The following PWWP2A variants were observed in gnomAD, a reference collection of about 807,000 sequenced individuals.
PWWP2A encodes the protein PWWP domain containing 2A.
Under a neutral mutation model 48.5 loss-of-function variants are expected in PWWP2A, and 18 were observed. The observed-to-expected ratio is 0.37, with a 90% CI of 0.26 to 0.55. The LOEUF is 0.55. PWWP2A is among the 20% of genes least tolerant of loss of function. The probability of loss-of-function intolerance (pLI) is 0.81; values close to 1 mark genes in which losing one functional copy is unlikely to be tolerated. For missense variants in PWWP2A, 867 were observed against 976.4 expected, an observed-to-expected ratio of 0.89 and a Z score of 1.49; for synonymous variants, 396 against 387.7, an observed-to-expected ratio of 1.02 and a Z score of -0.25.
the PWWP2A span, among the ~76,000 whole-genome samples, chr5:160,045,546 T>TCTCTCTCCCC: frequency 7.8e-6 from 1 of 128,218 alleles, no homozygotes; most frequent in Non-Finnish European, 1.6e-5. Flanking sequence ...TCTCTCTCTC[T>TCTCTCTCCCC]CTCTCTCCCC....
intron 1 of PWWP2A, among the ~76,000 whole-genome samples, chr5:160,097,431 A>G (rs1220005161): frequency 1.3e-5 from 2 of 149,740 alleles, no homozygotes; most frequent in Admixed American, 6.7e-5. Context: ...GGAGTTCAAG[A>G]CCAGCCTGGC....
At chr5:160,045,264 AAAATGAGGG>A in the PWWP2A span, among the ~76,000 whole-genome samples, 1 of 152,148 alleles carries the variant, frequency 6.6e-6, no homozygotes, top group African/African-American at 2.4e-5. Context: ...CCTTGCCTAG[AAAATGAGGG>A]AAAGGAGAAG....
chr5:160,103,242 GTTTTTTAAAAGCA>G (rs1026441498), intron 1 of PWWP2A, among the ~76,000 whole-genome samples: 9 of 152,126 alleles, frequency 5.9e-5, no homozygotes, highest in African/African-American at 2.2e-4. Context: ...CTAAAAAAGT[GTTTTTTAAAAGCA>G]TGAATTCAGT....
downstream of PWWP2A, chr5:160,089,465 G>T: frequency 9.1e-7 from 1 of 1,098,154 alleles, no homozygotes; most frequent in Non-Finnish European, 1.2e-6. Context: ...TCCCACCTTG[G>T]CCTTCCAAAC....
the PWWP2A span, among the ~76,000 whole-genome samples, chr5:160,054,392 T>A: frequency 6.6e-6 from 1 of 152,160 alleles, no homozygotes; most frequent in South Asian, 2.1e-4. Flanking sequence ...GGTGGGAGGA[T>A]TGCTTGAGCC....
chr5:160,105,746 G>T, intron 1 of PWWP2A: 3 of 335,812 alleles, frequency 8.9e-6, no homozygotes, highest in Non-Finnish European at 1.2e-5. Flanking sequence ...CTGCACTCCA[G>T]ACTGGGTGAC....
Position 160,092,129 on chromosome 5 carries a change from T to A in PWWP2A, c.*253A>T. 1 of 1,212,186 alleles carries A rather than the reference T, an allele frequency of 8.2e-7. No homozygotes were observed. Among genetic ancestry groups the A allele is most frequent in the Non-Finnish European group, 1.0e-6 (1 of 972,322 alleles). 75.1% of individuals were successfully genotyped at this position (1,212,186 alleles called of 1,614,324 possible). On this transcript the variant is annotated 3_prime_UTR_variant, in exon 2 of 2. Transcript: ENST00000307063. ...ATTTCAGTTGAGGCTATGGCTCCTA[T>A]GCCTTGGGATGGTTTCGAACTTCAA...
At chr5:160,090,809 A>G (rs1755000087), downstream of PWWP2A, 1 of 981,324 alleles carries the variant, frequency 1.0e-6, no homozygotes. Context: ...GACACAAAGT[A>G]TGAAAGCAAC....
intron 1 of PWWP2A, among the ~76,000 whole-genome samples, chr5:160,107,866 T>C (rs914690758): frequency 4.6e-5 from 7 of 152,122 alleles, no homozygotes; most frequent in African/African-American, 1.7e-4. Context: ...CCGGATATGG[T>C]GGCAGGCACC....
At chr5:160,048,978 C>G in the PWWP2A span, among the ~76,000 whole-genome samples, 1 of 151,942 alleles carries the variant, frequency 6.6e-6, no homozygotes, top group South Asian at 2.1e-4. Flanking sequence ...CTCACTCTTT[C>G]ACTGCGCACT....
At chr5:160,100,018 T>C (rs1756096321) in intron 1 of PWWP2A, among the ~76,000 whole-genome samples, 1 of 151,970 alleles carries the variant, frequency 6.6e-6, no homozygotes, top group South Asian at 2.1e-4. Flanking sequence ...TTACTTTGTG[T>C]TGCTGGGCAC....
Position 160,093,401 on chromosome 5 carries a change from C to A in PWWP2A, c.1249G>T (p.Val417Phe), listed in dbSNP as rs1352895782. 1 of 1,613,730 alleles carries A rather than the reference C, an allele frequency of 6.2e-7. No homozygotes were observed. Residue 417 changes from valine (V) to phenylalanine (F), a missense_variant, in exon 2 of 2, where the codon GTT becomes TTT. Transcript: ENST00000307063. This position sits in a 1 kb window ranked among gnomAD's most constrained non-coding sequence, Gnocchi z 5.8. ...TSKAQLSTKK[V>F]LQSKNMDHAK... The stretch of plus-strand genomic sequence containing the variant: ...TGATCCATGTTCTTACTCTGGAGAA[C>A]TTTTTTAGTACTTAACTGAGCTTTT...
chr5:160,048,507 G>A, the PWWP2A span, among the ~76,000 whole-genome samples: 1 of 152,114 alleles, frequency 6.6e-6, no homozygotes, highest in African/African-American at 2.4e-5. Flanking sequence ...TAGAAGAAAT[G>A]CAGTATGTTG....
intron 1 of PWWP2A, among the ~76,000 whole-genome samples, chr5:160,099,200 G>C (rs1373839102): frequency 6.6e-6 from 1 of 152,158 alleles, no homozygotes; most frequent in African/African-American, 2.4e-5. Flanking sequence ...TAGGTGAAAG[G>C]CTGAAAAGGC....
At position 160,080,918 on chromosome 5, in the gene PWWP2A, G is replaced by C. The variant is rs994637976; in HGVS notation, c.1550-148C>G. On this transcript the variant is annotated intron_variant, in intron 2 of 3. Transcript: ENST00000456329. ...TTCTGGATAACTTGCTCGCTTCACA[G>C]AAGGAGAAGCTTTGGTACTAAATGA... 1.2e-5 allele frequency: 9 copies of C among 721,388 alleles called. No homozygotes were observed. In the East Asian group the frequency reaches 2.3e-4, roughly 18 times the overall value. 44.7% of individuals were successfully genotyped at this position (721,388 alleles called of 1,614,324 possible).
At chr5:160,059,799 A>C (rs1757651515), downstream of PWWP2A, among the ~76,000 whole-genome samples, 1 of 152,240 alleles carries the variant, frequency 6.6e-6, no homozygotes, top group African/African-American at 2.4e-5. Context: ...GATCACCATA[A>C]CAGGTATAAG....
At position 160,093,556 on chromosome 5, in the gene PWWP2A, A is replaced by G; in HGVS notation, c.1094T>C (p.Leu365Pro). ...CCCATCCACTTTATGGTCAGTTTTC[A>G]GTTTTTTGTTCACAGTAGTTACACT... ...NESVTTVNKKLKTDHKVDGKN... is the reference protein window; with the variant it reads ...NESVTTVNKKPKTDHKVDGKN... The change falls in exon 2 of 2, where the codon CTG becomes CCG. Residue 365 changes from leucine to proline, a missense_variant. Transcript: ENST00000307063. This position sits in a 1 kb window ranked among gnomAD's most constrained non-coding sequence, Gnocchi z 5.8. 1.2e-6 allele frequency: 2 copies of G among 1,613,224 alleles called. No homozygotes were observed. Among genetic ancestry groups the G allele is most frequent in the South Asian group, 1.1e-5 (1 of 90,986 alleles).
intron 1 of PWWP2A, among the ~76,000 whole-genome samples, chr5:160,101,384 T>C (rs1174339224): frequency 6.6e-6 from 1 of 152,110 alleles, no homozygotes; most frequent in African/African-American, 2.4e-5. Context: ...TGCTACAACA[T>C]GAATGAGTCT....
At chr5:160,100,099 G>A (rs1361282119) in intron 1 of PWWP2A, among the ~76,000 whole-genome samples, 4 of 150,722 alleles carry the variant, frequency 2.7e-5, no homozygotes, top group African/African-American at 9.7e-5. Context: ...TCAGGAGTTC[G>A]AGACCAGCCT....
Sources: gnomAD v4.1 joint callset for allele counts (sites outside exome capture counted in the v4.1 genomes callset) on GRCh38, gnomAD v4.1.1 for gene constraint, Gnocchi (gnomAD v3.1) non-coding constraint, MANE v1.5 for transcripts, NCBI Gene and HGNC (gene_info 2026-07-23, HGNC 2026-07-21) for gene names.